NPAS3: variants seen among roughly 807,000 people sequenced by gnomAD.
NPAS3 encodes neuronal PAS domain-containing protein 3.
Under a neutral mutation model 73.1 loss-of-function variants are expected in NPAS3, and 14 were observed. The ratio of observed to expected loss-of-function variants is 0.19; its 90% CI spans 0.13 to 0.30. The LOEUF (loss-of-function observed/expected upper bound fraction) is 0.30, where lower values mean the gene tolerates loss of function less well. Ranked by LOEUF, NPAS3 falls within the 10% of genes least tolerant of loss-of-function variation. The pLI is 1.00. For synonymous variants in NPAS3, 620 were observed against 541.5 expected, an observed-to-expected ratio of 1.14 and a Z score of -2.01; for missense variants, 1,096 against 1,250.0, an observed-to-expected ratio of 0.88 and a Z score of 1.86.
At chr14:33,003,370 G>T (rs147401535) in intron 1 of NPAS3, among the ~76,000 whole-genome samples, 1 of 151,998 alleles carries the variant, frequency 6.6e-6, no homozygotes, top group Non-Finnish European at 1.5e-5. Flanking sequence ...ATTTAAGCAG[G>T]CCAACTGCAC....
chr14:33,631,046 C>T (rs1374353345), intron 5 of NPAS3, among the ~76,000 whole-genome samples: 1 of 152,186 alleles, frequency 6.6e-6, no homozygotes, highest in African/African-American at 2.4e-5. Flanking sequence ...AGTTCATGCA[C>T]CAAGCATCCC....
At chr14:33,368,850 A>C (rs1447048768) in intron 4 of NPAS3, among the ~76,000 whole-genome samples, 1 of 152,150 alleles carries the variant, frequency 6.6e-6, no homozygotes, top group Non-Finnish European at 1.5e-5. Flanking sequence ...TGACATATAA[A>C]TTGTTAGACT....
intron 3 of NPAS3, among the ~76,000 whole-genome samples, chr14:33,339,108 C>A (rs74042054): frequency 0.024 from 3,648 of 152,142 alleles, 139 homozygotes; most frequent in African/African-American, 0.082. Context: ...AGAAATTAAC[C>A]CCGTAATTAA....
At chr14:33,316,585 T>C (rs1299711879) in intron 3 of NPAS3, among the ~76,000 whole-genome samples, 2 of 152,094 alleles carry the variant, frequency 1.3e-5, no homozygotes, top group African/African-American at 2.4e-5. Context: ...CAGTGTTGAC[T>C]AATAAAATTA....
chr14:33,138,611 G>A (rs2043929315), intron 2 of NPAS3, among the ~76,000 whole-genome samples: 1 of 152,150 alleles, frequency 6.6e-6, no homozygotes, highest in Non-Finnish European at 1.5e-5. Flanking sequence ...ATGTGTTTAT[G>A]TATAAATAGA....
intron 5 of NPAS3, among the ~76,000 whole-genome samples, chr14:33,628,105 T>G (rs1309193482): frequency 6.6e-6 from 1 of 152,182 alleles, no homozygotes; most frequent in East Asian, 1.9e-4. Flanking sequence ...GTGAAGCTAG[T>G]GGAAAAAATG....
At chr14:33,336,028 A>G (rs1234701120) in intron 3 of NPAS3, among the ~76,000 whole-genome samples, 1 of 152,212 alleles carries the variant, frequency 6.6e-6, no homozygotes, top group Non-Finnish European at 1.5e-5. Flanking sequence ...AACTTTCTAA[A>G]GTCATCAGAT....
chr14:33,197,271 T>TGTGTGTGTGTGTGTGTGTGTG (rs1466236792), intron 2 of NPAS3, among the ~76,000 whole-genome samples: 2 of 28,966 alleles, frequency 6.9e-5, no homozygotes, highest in African/African-American at 1.9e-4. Flanking sequence ...GTGTGTGTTC[T>TGTGTGTGTGTGTGTGTGTGTG]TTTTCAATTG....
chr14:33,700,435 TAAACAA>T (rs1316476249), intron 6 of NPAS3, among the ~76,000 whole-genome samples: 2 of 152,202 alleles, frequency 1.3e-5, no homozygotes, highest in Non-Finnish European at 2.9e-5. Context: ...TGTCAGTTAT[TAAACAA>T]GTGATATTTC....
At chr14:33,166,127 G>T (rs549820409) in intron 2 of NPAS3, among the ~76,000 whole-genome samples, 65 of 152,228 alleles carry the variant, frequency 4.3e-4, no homozygotes, top group African/African-American at 1.4e-3. Flanking sequence ...ATAGGCCTGC[G>T]ACCTGTGACT....
chr14:33,265,300 A>C (rs1190587763), intron 3 of NPAS3, among the ~76,000 whole-genome samples: 2 of 152,228 alleles, frequency 1.3e-5, no homozygotes, highest in Non-Finnish European at 2.9e-5. Flanking sequence ...AGAACTATCA[A>C]GTAGACTTAA....
chr14:33,177,241 T>C lies in NPAS3; in HGVS notation c.141-37941T>C, dbSNP rs987789527. Among the ~76,000 whole-genome samples the C allele has an allele frequency of 4.0e-5, 6 of 151,730 alleles. No individual in the cohort carries two copies. The South Asian group carries it at 8.3e-4, about 21-fold the overall frequency. ...CCTCCCAAGTAGCTGGGACCACAGA[T>C]GCCTGCCACCATGTCCGGCTAATTT... On this transcript the variant is annotated intron_variant, in intron 2 of 11. Coordinates refer to ENST00000356141, the Ensembl canonical transcript of NPAS3.
Position 33,676,206 on chromosome 14 carries a change from T to C in NPAS3, c.559-5T>C. 4 of 1,613,656 alleles carry C rather than the reference T, an allele frequency of 2.5e-6. No homozygotes were observed. Among genetic ancestry groups the C allele is most frequent in the Middle Eastern group, 1.7e-4 (1 of 6,058 alleles). On this transcript the variant is annotated splice_polypyrimidine_tract_variant and splice_region_variant and intron_variant, in intron 5 of 11. Coordinates refer to ENST00000356141, the Ensembl canonical transcript of NPAS3. The stretch of plus-strand genomic sequence containing the variant: ...TTCCTTCCCACCCTTTCTCTCGCCC[T>C]CTAGGTGGAGCTGACAGGCAGCAGT...
At chr14:33,473,467 A>C (rs566710439) in intron 4 of NPAS3, among the ~76,000 whole-genome samples, 2 of 152,334 alleles carry the variant, frequency 1.3e-5, no homozygotes, top group Non-Finnish European at 2.9e-5. Flanking sequence ...AATAATTAAA[A>C]AATAATTTTC....
At chr14:33,483,170 T>C (rs1273134415) in intron 4 of NPAS3, among the ~76,000 whole-genome samples, 1 of 152,112 alleles carries the variant, frequency 6.6e-6, no homozygotes, top group Non-Finnish European at 1.5e-5. Flanking sequence ...AACATTCAAG[T>C]GTGCAAGTAC....
rs1476954391 is a variant in NPAS3, at chr14:33,177,856, C to T, written c.141-37326C>T. Among the ~76,000 whole-genome samples the T allele has an allele frequency of 2.6e-5, 4 of 152,120 alleles. No homozygotes were observed. In the East Asian group the frequency reaches 7.7e-4, roughly 29 times the overall value. On this transcript the variant is annotated intron_variant, in intron 2 of 11. Coordinates refer to ENST00000356141, the Ensembl canonical transcript of NPAS3. ...GAACTTTCAGTTCTAATCCATTGGTCTATATGTCTATCCTTATGCAAATGC... is the reference window on the plus strand; with the variant it reads ...GAACTTTCAGTTCTAATCCATTGGTTTATATGTCTATCCTTATGCAAATGC...
At chr14:33,548,742 G>T (rs1366522606) in intron 4 of NPAS3, among the ~76,000 whole-genome samples, 1 of 152,166 alleles carries the variant, frequency 6.6e-6, no homozygotes, top group South Asian at 2.1e-4. Flanking sequence ...TACCTTCCCA[G>T]CAGGCTAACA....
intron 9 of NPAS3, among the ~76,000 whole-genome samples, chr14:33,789,076 T>TG (rs2063267791): frequency 6.6e-6 from 1 of 152,192 alleles, no homozygotes; most frequent in African/African-American, 2.4e-5. Context: ...GAACTGTATT[T>TG]GCAGCTTCCT....
At chr14:33,494,144 C>G (rs192797633) in intron 4 of NPAS3, among the ~76,000 whole-genome samples, 8 of 152,216 alleles carry the variant, frequency 5.3e-5, no homozygotes, top group Admixed American at 5.2e-4. Context: ...CAGCTGAGCT[C>G]TCTGTTTCTC....
Sources: gnomAD v4.1 joint callset for allele counts (sites outside exome capture counted in the v4.1 genomes callset) on GRCh38, gnomAD v4.1.1 for gene constraint, MANE v1.5 for transcripts, NCBI Gene and HGNC (gene_info 2026-07-23, HGNC 2026-07-21) for gene names.